Variants in THSD7A observed in about 807,000 individuals in gnomAD.
THSD7A encodes the protein thrombospondin type 1 domain containing 7A, also known as thrombospondin type-1 domain-containing protein 7A.
A neutral mutation model predicts 231.3 loss-of-function variants in THSD7A; 96 were observed. That is an observed-to-expected ratio of 0.41 (90% CI 0.35 to 0.49). The LOEUF (loss-of-function observed/expected upper bound fraction) is 0.49, where lower values mean the gene tolerates loss of function less well. THSD7A is among the 20% of genes least tolerant of loss of function. THSD7A has a pLI of 0.05. For missense variants in THSD7A, 2,290 were observed against 2,070.2 expected, an observed-to-expected ratio of 1.11 and a Z score of -2.06; for synonymous variants, 940 against 743.3, an observed-to-expected ratio of 1.26 and a Z score of -4.30.
chr7:11,651,500 T>TATCTATC (rs1269412873), intron 1 of THSD7A, among the ~76,000 whole-genome samples: 1 of 149,288 alleles, frequency 6.7e-6, no homozygotes, highest in Non-Finnish European at 1.5e-5. Flanking sequence ...TCTATCTATC[T>TATCTATC]ATCTATCTAT....
intron 1 of THSD7A, among the ~76,000 whole-genome samples, chr7:11,816,785 C>A (rs1426588363): frequency 6.6e-6 from 1 of 151,838 alleles, no homozygotes; most frequent in Admixed American, 6.6e-5. Flanking sequence ...CTATAAATAC[C>A]ACATAAAACC....
At chr7:11,764,934 G>A (rs1484925126) in intron 1 of THSD7A, among the ~76,000 whole-genome samples, 3 of 152,086 alleles carry the variant, frequency 2.0e-5, no homozygotes, top group African/African-American at 7.2e-5. Context: ...TCTAATGTAA[G>A]TAGAAATGGT....
intron 24 of THSD7A, among the ~76,000 whole-genome samples, chr7:11,381,463 A>G (rs1404432044): frequency 6.6e-6 from 1 of 152,184 alleles, no homozygotes; most frequent in East Asian, 1.9e-4. Flanking sequence ...AAAGATGGAT[A>G]GTTTTCAAAA....
chr7:11,636,318 C>A lies in THSD7A; in HGVS notation c.834G>T (p.Gly278=), dbSNP rs1200068725. ...GGTCCTTTTCCCGTTCTTTATTCTT[C>A]CCGCGTCTCCTTGCTTGTCTTACTT... ...SRQVRQARRR[G]KNKEREKDRS... is the part of the protein sequence containing the mutation. The change falls in exon 2 of 28, where the codon GGG becomes GGT. Residue 278 remains glycine (G), a synonymous_variant. Transcript: ENST00000423059. The surrounding 1 kb of genome is among the most constrained non-coding windows in gnomAD (Gnocchi z 10.0). 1 of 1,613,932 alleles carries A rather than the reference C, an allele frequency of 6.2e-7. No individual in the cohort carries two copies.
rs187740263 is a variant in THSD7A, at chr7:11,484,799, A to G, written c.1823-2817T>C. On this transcript the variant is annotated intron_variant, in intron 6 of 27. Coordinates refer to ENST00000423059, the MANE Select transcript of THSD7A (RefSeq NM_015204.3). ...GGCCTCCCGAAAGTGTATTTAGTGG[A>G]TAGCAGCACATGCATCCCCTGGAGT... 6.1e-5 allele frequency among the ~76,000 whole-genome samples: 9 copies of G among 148,438 alleles called. No individual in the cohort carries two copies. The East Asian group carries it at 1.6e-3, about 27-fold the overall frequency.
chr7:11,545,913 C>T (rs1583946267), intron 4 of THSD7A, among the ~76,000 whole-genome samples: 1 of 152,302 alleles, frequency 6.6e-6, no homozygotes, highest in East Asian at 1.9e-4. Flanking sequence ...ATGAACAGAG[C>T]ATAGCTTTCT....
At chr7:11,663,532 G>A (rs937868611) in intron 1 of THSD7A, among the ~76,000 whole-genome samples, 3 of 151,556 alleles carry the variant, frequency 2.0e-5, no homozygotes, top group Non-Finnish European at 4.4e-5. Flanking sequence ...GAATCTTTAT[G>A]AGCTTATGTT....
At chr7:11,633,810 A>T (rs541204011) in intron 2 of THSD7A, among the ~76,000 whole-genome samples, 78 of 152,276 alleles carry the variant, frequency 5.1e-4, no homozygotes, top group Non-Finnish European at 6.9e-4. Flanking sequence ...TTTGTCTATG[A>T]TCTGCCTCCC....
intron 13 of THSD7A, among the ~76,000 whole-genome samples, chr7:11,441,734 A>G (rs1310735676): frequency 2.6e-5 from 4 of 152,070 alleles, no homozygotes; most frequent in Non-Finnish European, 5.9e-5. Flanking sequence ...CAGAAACAGA[A>G]AGCCAAACAC....
intron 1 of THSD7A, among the ~76,000 whole-genome samples, chr7:11,713,021 G>T (rs980563854): frequency 2.4e-4 from 36 of 151,122 alleles, no homozygotes; most frequent in African/African-American, 8.5e-4. Context: ...GATGAATTTT[G>T]CATCTTCATG....
At chr7:11,686,660 G>T (rs1780063919) in intron 1 of THSD7A, among the ~76,000 whole-genome samples, 1 of 151,860 alleles carries the variant, frequency 6.6e-6, no homozygotes, top group Admixed American at 6.6e-5. Flanking sequence ...GTCATAAAAA[G>T]AGTGAATCAT....
At chr7:11,735,226 G>T (rs902583607) in intron 1 of THSD7A, among the ~76,000 whole-genome samples, 1 of 151,878 alleles carries the variant, frequency 6.6e-6, no homozygotes, top group East Asian at 1.9e-4. Context: ...ATATTAGTTG[G>T]TGGTATTTTT....
At chr7:11,426,889 T>C (rs1583719255) in intron 14 of THSD7A, among the ~76,000 whole-genome samples, 1 of 152,170 alleles carries the variant, frequency 6.6e-6, no homozygotes. Context: ...CAAATGGGTA[T>C]TGTAAATAGC....
Position 11,407,406 on chromosome 7 carries a change from GTTC to G in THSD7A, c.3813_3815del (p.Lys1271del), listed in dbSNP as rs765092544. 2.2e-5 allele frequency: 36 copies of G among 1,612,958 alleles called. No homozygotes were observed. The highest frequency in any genetic ancestry group is 3.0e-5 in the Non-Finnish European group (35 of 1,179,596). On this transcript the variant is annotated inframe_deletion, in exon 20 of 28. Transcript: ENST00000423059. ...CCATGCAGGACGTGTTCATCTGCCA[GTTC>G]TTCTCCAAGCCAAGCTGGAAGAACA...
chr7:11,445,824 G>T (rs1476253990), intron 13 of THSD7A, among the ~76,000 whole-genome samples: 1 of 151,854 alleles, frequency 6.6e-6, no homozygotes, highest in East Asian at 1.9e-4. Flanking sequence ...GCAAGATTTG[G>T]GCCCCATCAG....
At position 11,590,383 on chromosome 7, in the gene THSD7A, T is replaced by G. The variant is rs916917747; in HGVS notation, c.1453+77A>C. ...GCAGCCCTCATAACCTGGATGGCTG[T>G]GTATATATCCCTTCAGAGCAATCAC... is the stretch of plus-strand genomic sequence containing the variant. On this transcript the variant is annotated intron_variant, in intron 4 of 27. Transcript: ENST00000423059. This position sits in a 1 kb window ranked among gnomAD's most constrained non-coding sequence, Gnocchi z 4.4. The G allele has an allele frequency of 5.5e-6, 8 of 1,455,690 alleles. No individual in the cohort carries two copies. The Admixed American group carries it at 1.8e-4, about 33-fold the overall frequency. The allele number at this position is 1,455,690 out of a possible 1,614,324, so 90.2% of individuals were successfully genotyped here. A position where few individuals can be genotyped will look rare whatever the true frequency, so the allele number is the denominator to read the frequency against.
At chr7:11,384,187 G>T (rs1210161330) in intron 23 of THSD7A, 2 of 151,534 alleles carry the variant, frequency 1.3e-5, no homozygotes, top group African/African-American at 2.4e-5. Context: ...AATTATACAT[G>T]TCAGAAAAGA....
chr7:11,706,782 T>C (rs1322089014), intron 1 of THSD7A, among the ~76,000 whole-genome samples: 3 of 150,546 alleles, frequency 2.0e-5, no homozygotes, highest in African/African-American at 4.9e-5. Flanking sequence ...AGCCCATGCT[T>C]AACAGAAAAT....
intron 1 of THSD7A, among the ~76,000 whole-genome samples, chr7:11,804,723 G>A (rs1359167410): frequency 2.6e-5 from 4 of 152,122 alleles, no homozygotes; most frequent in Non-Finnish European, 5.9e-5. Flanking sequence ...CCAGGCTTAT[G>A]CCACCTTTAA....
Sources: gnomAD v4.1 joint callset for allele counts (sites outside exome capture counted in the v4.1 genomes callset) on GRCh38, gnomAD v4.1.1 for gene constraint, Gnocchi (gnomAD v3.1) non-coding constraint, MANE v1.5 for transcripts, NCBI Gene and HGNC (gene_info 2026-07-23, HGNC 2026-07-21) for gene names.